The following KRT76 variants were observed in gnomAD, a reference collection of about 807,000 sequenced individuals.
The protein encoded by KRT76 is keratin, type II cytoskeletal 2 oral.
In KRT76, 47 loss-of-function variants were observed where a neutral mutation model predicts 44.9. That is an observed-to-expected ratio of 1.05 (90% CI 0.83 to 1.33). The LOEUF (loss-of-function observed/expected upper bound fraction) is 1.33, where lower values mean the gene tolerates loss of function less well. Among genes scored for constraint, KRT76 ranks in the 40% most tolerant of loss-of-function variants. KRT76 has a pLI of 0.00. For missense variants in KRT76, 860 were observed against 775.8 expected, an observed-to-expected ratio of 1.11 and a Z score of -1.29; for synonymous variants, 331 against 294.1, an observed-to-expected ratio of 1.13 and a Z score of -1.28.
In KRT76 at chr12:52,769,540, G is replaced by A. The variant is rs371905734; in HGVS notation, c.1519+9C>T. 3 of 1,612,542 alleles carry A rather than the reference G, an allele frequency of 1.9e-6. No homozygotes were observed. Among genetic ancestry groups the A allele is most frequent in the East Asian group, 2.2e-5 (1 of 44,868 alleles). On this transcript the variant is annotated intron_variant, in intron 8 of 8. Coordinates refer to ENST00000332411, the MANE Select transcript of KRT76 (RefSeq NM_015848.4). ...CCCAGGGAGAGGGTTTTTTGAATGG[G>A]CTACTTACAAATGCACACGGCACTC... is the stretch of plus-strand genomic sequence containing the variant.
rs559126133 is a variant in KRT76 at position 52,771,152 on chromosome 12, T to C, written c.1331A>G (p.Asn444Ser). 7.4e-6 allele frequency: 12 copies of C among 1,614,222 alleles called. No homozygotes were observed. Among genetic ancestry groups the C allele is most frequent in the East Asian group, 2.2e-5 (1 of 44,876 alleles). ...QRGEMALKDA[N>S]AKLQDLQTAL... The stretch of plus-strand genomic sequence containing the variant: ...AGTCTGCAAGTCTTGGAGCTTGGCA[T>C]TGGCGTCCTTGAGGGCCATCTCTCC... Residue 444 changes from asparagine to serine, a missense_variant, in exon 7 of 9, where the codon AAT (asparagine) becomes AGT (serine). Physicochemically the swap from Asn to Ser is conservative, Grantham distance 46. Transcript: ENST00000332411.
chr12:52,772,972 C>G, intron 3 of KRT76, 94 bp from the exon 4 acceptor site: 1 of 803,104 alleles, frequency 1.2e-6, no homozygotes, highest in South Asian at 1.5e-5. Context: ...CTTTGTTCCG[C>G]CCCCAGCTCT....
Position 52,776,742 on chromosome 12 carries a change from G to A in KRT76, c.550C>T (p.Arg184Trp), listed in dbSNP as rs762654173. The change falls in exon 1 of 9, where the codon CGG becomes TGG. Residue 184 changes from arginine (R) to tryptophan (W), a missense_variant. Coordinates refer to ENST00000332411, the MANE Select transcript of KRT76 (RefSeq NM_015848.4). ...PQIGQVKAQE[R>W]EQIKTLNNKF... ...TTGTTGAGGGTCTTGATCTGTTCCC[G>A]CTCCTGGGCCTTTACTTGCCCAATC... 34 of 1,613,976 alleles carry A rather than the reference G, an allele frequency of 2.1e-5. No homozygotes were observed. The highest frequency in any genetic ancestry group is 1.6e-4 in the Middle Eastern group (1 of 6,072).
Position 52,777,031 on chromosome 12 carries a change from G to A in KRT76, c.261C>T (p.Ser87=). The part of the protein sequence containing the change: ...RAGGFGGGRS[S]CGFAGGYGGG... ...CTCCATAGCCACCTGCAAAGCCACA[G>A]CTGCTCCGCCCTCCCCCAAAGCCTC... Residue 87 remains serine, a synonymous_variant, in exon 1 of 9, where the codon AGC becomes AGT. Coordinates refer to ENST00000332411, the MANE Select transcript of KRT76 (RefSeq NM_015848.4). 3.7e-6 allele frequency: 6 copies of A among 1,614,028 alleles called. No homozygotes were observed. The highest frequency in any genetic ancestry group is 1.3e-5 in the African/African-American group (1 of 75,048).
At position 52,768,851 on chromosome 12, in the gene KRT76, C is replaced by T; in HGVS notation, c.1779G>A (p.Val593=). The T allele has an allele frequency of 1.2e-6, 2 of 1,613,906 alleles. No individual in the cohort carries two copies. Among genetic ancestry groups the T allele is most frequent in the Non-Finnish European group, 1.7e-6 (2 of 1,179,954 alleles). Residue 593 remains valine (V), a synonymous_variant, in exon 9 of 9, where the codon GTG becomes GTA. Coordinates refer to ENST00000332411, the MANE Select transcript of KRT76 (RefSeq NM_015848.4). ...SRLGGAGSIS[V]SHSGMGSSSG... ...AGCTGGAGCCCATTCCACTGTGGCT[C>T]ACGGAGATGCTACCTGCACCGCCGA...
rs1451873523 is a variant in KRT76, at chr12:52,769,117, G to C, written c.1520-7C>G. On this transcript the variant is annotated splice_region_variant and splice_polypyrimidine_tract_variant and intron_variant, in intron 8 of 8. Transcript: ENST00000332411. ...GTGACATTGCTGACCACTGCTACAA[G>C]ACAACAGGCACACAATTCAGGCAAA... 1.4e-6 allele frequency: 1 copy of C among 695,136 alleles called. No homozygotes were observed. The highest frequency in any genetic ancestry group is 2.7e-5 in the East Asian group (1 of 36,852). 43.1% of individuals were successfully genotyped at this position (695,136 alleles called of 1,614,324 possible). A position where few individuals can be genotyped will look rare whatever the true frequency, so the allele number is the denominator to read the frequency against.
In KRT76 at chr12:52,769,570, A is replaced by T. The variant is rs756652327; in HGVS notation, c.1498T>A (p.Cys500Ser). The T allele has an allele frequency of 6.2e-6, 10 of 1,613,782 alleles. No individual in the cohort carries two copies. The highest frequency in any genetic ancestry group is 2.2e-5 in the East Asian group (1 of 44,900). Residue 500 changes from cysteine to serine, a missense_variant, in exon 8 of 9, where the codon TGT (cysteine) becomes AGT (serine). Physicochemically the swap from Cys to Ser is moderately radical, Grantham distance 112 (BLOSUM62 -1). Transcript: ENST00000332411. ...EGEECRMSGE[C>S]QSAVCISVVS... The stretch of plus-strand genomic sequence containing the variant: ...TTACAAATGCACACGGCACTCTGAC[A>T]TTCTCCAGACATCCTGAAAAGGAAG...
At chr12:52,774,105 T>G (rs1565672900) in intron 2 of KRT76, among the ~76,000 whole-genome samples, 3 of 152,326 alleles carry the variant, frequency 2.0e-5, no homozygotes, top group East Asian at 3.9e-4. Flanking sequence ...GTACTGGGAT[T>G]ACAGGCATGA....
At position 52,768,854 on chromosome 12, in the gene KRT76, G is replaced by A. The variant is rs2280479; in HGVS notation, c.1776C>T (p.Ser592=). 109,218 of 1,613,674 alleles carry A rather than the reference G, an allele frequency of 0.068. 6,597 individuals carry two copies. Among genetic ancestry groups the A allele is most frequent in the East Asian group, 0.3 (13,437 of 44,844 alleles). The change falls in exon 9 of 9, where the codon TCC becomes TCT. Residue 592 remains serine, a synonymous_variant. Coordinates refer to ENST00000332411, the MANE Select transcript of KRT76 (RefSeq NM_015848.4). ...TGGAGCCCATTCCACTGTGGCTCACGGAGATGCTACCTGCACCGCCGAGCC... is the reference window on the plus strand; with the variant it reads ...TGGAGCCCATTCCACTGTGGCTCACAGAGATGCTACCTGCACCGCCGAGCC... The part of the protein sequence containing the change: ...GSRLGGAGSI[S]VSHSGMGSSS...
chr12:52,775,052 A>G (rs1442075615), intron 2 of KRT76, among the ~76,000 whole-genome samples: 2 of 152,206 alleles, frequency 1.3e-5, no homozygotes, highest in East Asian at 3.8e-4. Flanking sequence ...GGAATACAGG[A>G]ATACGCATTG....
chr12:52,774,562 G>A lies in KRT76; in HGVS notation c.815+826C>T, dbSNP rs567326329. On this transcript the variant is annotated intron_variant, in intron 2 of 8. Transcript: ENST00000332411. ...GTATTTCATAAAGCTTGAGGAATTG[G>A]ACTGATTCTAGGAGAAAAGAGGTCT... Among the ~76,000 whole-genome samples the A allele has an allele frequency of 1.4e-3, 215 of 152,284 alleles. 1 individual carries two copies. The highest frequency in any genetic ancestry group is 4.7e-3 in the African/African-American group (194 of 41,554).
chr12:52,775,381 C>A lies in KRT76; in HGVS notation c.815+7G>T. On this transcript the variant is annotated splice_region_variant and intron_variant, in intron 2 of 8. Transcript: ENST00000332411. ...AGAAGGGGAAACTTCCCAGGAGGAG[C>A]CCTCACTTCTTTTTGAAGTCTTCCA... is the stretch of plus-strand genomic sequence containing the variant. The A allele has an allele frequency of 6.2e-7, 1 of 1,613,460 alleles. No homozygotes were observed.
rs932602345 is a variant in KRT76, at chr12:52,772,711, G to A, written c.972+72C>T. On this transcript the variant is annotated intron_variant, in intron 4 of 8. Coordinates refer to ENST00000332411, the MANE Select transcript of KRT76 (RefSeq NM_015848.4). ...TGGTTTTGTGAGTGTTGTGCTGTTTGGCTGTCCCCTAAAGTTATGCTTGGG... is the reference window on the plus strand; with the variant it reads ...TGGTTTTGTGAGTGTTGTGCTGTTTAGCTGTCCCCTAAAGTTATGCTTGGG... 2.8e-6 allele frequency: 3 copies of A among 1,071,040 alleles called. No individual in the cohort carries two copies. In the East Asian group the frequency reaches 7.1e-5, roughly 25 times the overall value. The allele number at this position is 1,071,040 out of a possible 1,614,324, so 66.3% of individuals were successfully genotyped here.
At chr12:52,772,388 G>A (rs1939200172) in intron 4 of KRT76, 130 bp from the exon 5 acceptor site, 2 of 866,306 alleles carry the variant, frequency 2.3e-6, no homozygotes, top group South Asian at 4.1e-5. Context: ...TCACATTTTA[G>A]GCCTGGCTAC....
intron 4 of KRT76, 23 bp from the exon 5 acceptor site, chr12:52,772,281 C>T (rs1361766898): frequency 6.4e-7 from 1 of 1,572,264 alleles, no homozygotes; most frequent in Non-Finnish European, 8.6e-7. Context: ...TGGATAGTTA[C>T]TCTTACCATC....
chr12:52,769,570 A>C lies in KRT76; in HGVS notation c.1498T>G (p.Cys500Gly). 6.2e-7 allele frequency: 1 copy of C among 1,613,900 alleles called. No individual in the cohort carries two copies. The highest frequency in any genetic ancestry group is 2.2e-5 in the East Asian group (1 of 44,888). Reference sequence around the variant, plus strand: ...TTACAAATGCACACGGCACTCTGACATTCTCCAGACATCCTGAAAAGGAAG... The same window carrying C: ...TTACAAATGCACACGGCACTCTGACCTTCTCCAGACATCCTGAAAAGGAAG... ...EGEECRMSGE[C>G]QSAVCISVVS... Residue 500 changes from cysteine (C) to glycine (G), a missense_variant, in exon 8 of 9, where the codon TGT becomes GGT. Coordinates refer to ENST00000332411, the MANE Select transcript of KRT76 (RefSeq NM_015848.4).
chr12:52,775,289 T>A (rs1456663106), intron 2 of KRT76, 99 bp downstream of exon 2: 36 of 1,040,766 alleles, frequency 3.5e-5, no homozygotes, highest in Non-Finnish European at 1.9e-5. Flanking sequence ...CCCAGAGTAT[T>A]GACTGAAGGC....
At position 52,775,607 on chromosome 12, in the gene KRT76, A is replaced by G; in HGVS notation, c.601-5T>C. The G allele has an allele frequency of 6.2e-7, 1 of 1,612,358 alleles. No individual in the cohort carries two copies. The highest frequency in any genetic ancestry group is 2.2e-5 in the East Asian group (1 of 44,864). On this transcript the variant is annotated splice_polypyrimidine_tract_variant and splice_region_variant and intron_variant, in intron 1 of 8. Transcript: ENST00000332411. Reference sequence around the variant, plus strand: ...CTGCTGTTCCAGGAACCGCACCTGCATGAAAGAGGGGAGAAAAGGAGTCAG... The same window carrying G: ...CTGCTGTTCCAGGAACCGCACCTGCGTGAAAGAGGGGAGAAAAGGAGTCAG...
chr12:52,769,646 T>C, intron 7 of KRT76, 63 bp from the exon 8 acceptor site: 7 of 1,475,238 alleles, frequency 4.7e-6, no homozygotes, highest in Non-Finnish European at 6.6e-6. Context: ...GAGTTGAGAG[T>C]TCACAACTTT....
Sources: allele counts gnomAD v4.1 joint callset (sites outside exome capture counted in the v4.1 genomes callset), GRCh38; gene constraint gnomAD v4.1.1; transcripts MANE v1.5; gene names NCBI Gene and HGNC (gene_info 2026-07-23, HGNC 2026-07-21).